TNR: variants seen among roughly 807,000 people sequenced by gnomAD.
The protein encoded by TNR is tenascin R.
Under a neutral mutation model 150.4 loss-of-function variants are expected in TNR, and 45 were observed. The ratio of observed to expected loss-of-function variants is 0.30; its 90% CI spans 0.24 to 0.38. The LOEUF (loss-of-function observed/expected upper bound fraction) is 0.38, where lower values mean the gene tolerates loss of function less well. Among genes scored for constraint, TNR ranks in the 10% least tolerant of loss-of-function variants. The pLI is 1.00. For synonymous variants in TNR, 687 were observed against 678.4 expected, an observed-to-expected ratio of 1.01 and a Z score of -0.20; for missense variants, 1,544 against 1,759.1, an observed-to-expected ratio of 0.88 and a Z score of 2.19.
chr1:175,615,518 G>C (rs1663744068), intron 1 of TNR, among the ~76,000 whole-genome samples: 1 of 152,220 alleles, frequency 6.6e-6, no homozygotes, highest in African/African-American at 2.4e-5. Context: ...GTAGGGGTCT[G>C]AGGGCCACAT....
chr1:175,723,351 C>T (rs995448506), intron 1 of TNR, among the ~76,000 whole-genome samples: 1 of 152,124 alleles, frequency 6.6e-6, no homozygotes, highest in Non-Finnish European at 1.5e-5. Flanking sequence ...CATAGGAGCT[C>T]AGCCCTTATC....
chr1:175,501,332 G>A (rs940948741), intron 2 of TNR, among the ~76,000 whole-genome samples: 4 of 152,194 alleles, frequency 2.6e-5, no homozygotes, highest in Non-Finnish European at 5.9e-5. Flanking sequence ...TAGGACCTAG[G>A]GGTGAGCTGC....
intron 19 of TNR, among the ~76,000 whole-genome samples, chr1:175,336,823 CT>C (rs1463716881): frequency 6.6e-6 from 1 of 152,232 alleles, no homozygotes; most frequent in Non-Finnish European, 1.5e-5. Context: ...TTGGAGGCTT[CT>C]GATCATCTCT....
intron 2 of TNR, among the ~76,000 whole-genome samples, chr1:175,486,404 C>T (rs1658018435): frequency 1.3e-5 from 2 of 151,884 alleles, no homozygotes; most frequent in African/African-American, 2.4e-5. Flanking sequence ...TGTTAGTTTG[C>T]TGAGAATGAT....
chr1:175,381,965 C>G (rs1156993510), intron 8 of TNR, among the ~76,000 whole-genome samples: 1 of 152,222 alleles, frequency 6.6e-6, no homozygotes, highest in Non-Finnish European at 1.5e-5. Flanking sequence ...TTTGCACTGG[C>G]TTCTGCCTTT....
chr1:175,457,724 G>A (rs1055750471), intron 2 of TNR, among the ~76,000 whole-genome samples: 1 of 152,232 alleles, frequency 6.6e-6, no homozygotes, highest in East Asian at 1.9e-4. Flanking sequence ...ATGCATGTAT[G>A]TGTGTATAAT....
At chr1:175,613,204 C>G (rs2101857048) in intron 1 of TNR, among the ~76,000 whole-genome samples, 1 of 152,276 alleles carries the variant, frequency 6.6e-6, no homozygotes, top group Non-Finnish European at 1.5e-5. Context: ...AAGACATAAT[C>G]TCTCTAAATT....
intron 1 of TNR, among the ~76,000 whole-genome samples, chr1:175,570,645 A>G (rs1348447432): frequency 2.0e-5 from 3 of 149,394 alleles, no homozygotes; most frequent in African/African-American, 5.0e-5. Flanking sequence ...TTTTCCTTCC[A>G]TTTTTCCGCT....
intron 2 of TNR, among the ~76,000 whole-genome samples, chr1:175,422,258 T>G (rs546044681): frequency 6.6e-6 from 1 of 152,382 alleles, no homozygotes; most frequent in Admixed American, 6.5e-5. Context: ...AATAGTTATC[T>G]GCAGAGCTGT....
At chr1:175,510,895 A>G (rs968718307) in intron 2 of TNR, among the ~76,000 whole-genome samples, 2 of 152,228 alleles carry the variant, frequency 1.3e-5, no homozygotes, top group African/African-American at 2.4e-5. Flanking sequence ...TCCCAAAATT[A>G]TTCAGTTCAG....
At chr1:175,375,498 T>G (rs1652333057) in intron 9 of TNR, among the ~76,000 whole-genome samples, 4 of 152,106 alleles carry the variant, frequency 2.6e-5, no homozygotes. Flanking sequence ...GTTTGAATTT[T>G]GGGCACCAGC....
chr1:175,641,379 T>C (rs1470117406), intron 1 of TNR, among the ~76,000 whole-genome samples: 1 of 152,212 alleles, frequency 6.6e-6, no homozygotes, highest in African/African-American at 2.4e-5. Flanking sequence ...GTTTGCATTG[T>C]TCATAAGATA....
intron 1 of TNR, among the ~76,000 whole-genome samples, chr1:175,728,228 A>G (rs1251196558): frequency 6.6e-6 from 1 of 152,198 alleles, no homozygotes; most frequent in Non-Finnish European, 1.5e-5. Context: ...ATGGCTAAAA[A>G]GAGGCAAGGT....
rs79313721 is a variant in TNR, at chr1:175,689,242, C to A, written c.-165+53984G>T. Among the ~76,000 whole-genome samples the A allele has an allele frequency of 8.9e-3, 1,355 of 152,336 alleles. 23 individuals carry two copies. Among genetic ancestry groups the A allele is most frequent in the African/African-American group, 0.03 (1,244 of 41,576 alleles). On this transcript the variant is annotated intron_variant, in intron 1 of 22. Coordinates refer to ENST00000367674, the MANE Select transcript of TNR (RefSeq NM_003285.3). ...GGCCACTATGCAACATCTTGGCCAC[C>A]CAGAGGGACTCCAGACAGTGGCACA...
intron 1 of TNR, among the ~76,000 whole-genome samples, chr1:175,571,866 C>A (rs1284464658): frequency 6.6e-6 from 1 of 152,184 alleles, no homozygotes; most frequent in African/African-American, 2.4e-5. Flanking sequence ...CTGTCAAAGG[C>A]AACCCTGGCA....
chr1:175,480,563 T>C (rs1191081123), intron 2 of TNR, among the ~76,000 whole-genome samples: 2 of 152,224 alleles, frequency 1.3e-5, no homozygotes, highest in African/African-American at 4.8e-5. Flanking sequence ...CATAATGACT[T>C]GACTCATGTT....
intron 1 of TNR, among the ~76,000 whole-genome samples, chr1:175,576,499 T>G (rs1571628261): frequency 6.6e-6 from 1 of 152,180 alleles, no homozygotes; most frequent in Non-Finnish European, 1.5e-5. Context: ...AGAAATATTC[T>G]TTCAGGACCA....
chr1:175,611,087 C>T (rs1024554937), intron 1 of TNR, among the ~76,000 whole-genome samples: 3 of 152,156 alleles, frequency 2.0e-5, no homozygotes, highest in African/African-American at 7.2e-5. Flanking sequence ...CTCCCCCTTG[C>T]CCTTTGCTTG....
intron 18 of TNR, among the ~76,000 whole-genome samples, chr1:175,341,504 G>A (rs1238273120): frequency 5.3e-5 from 8 of 152,316 alleles, no homozygotes; most frequent in African/African-American, 1.4e-4. Context: ...CTCTGAAATT[G>A]GTTTGTTTTG....
Sources: gnomAD v4.1 joint callset for allele counts (sites outside exome capture counted in the v4.1 genomes callset) on GRCh38, gnomAD v4.1.1 for gene constraint, MANE v1.5 for transcripts, NCBI Gene and HGNC (gene_info 2026-07-23, HGNC 2026-07-21) for gene names.